Variants in EDIL3 observed in about 807,000 individuals in gnomAD.
EDIL3 encodes EGF-like repeat and discoidin I-like domain-containing protein 3.
EDIL3 carries 37 observed loss-of-function variants against 67.4 expected under a neutral mutation model. That is an observed-to-expected ratio of 0.55 (90% CI 0.42 to 0.72). The LOEUF is 0.72. Ranked by LOEUF, EDIL3 falls within the 30% of genes least tolerant of loss-of-function variation. EDIL3 has a pLI of 0.00. For synonymous variants in EDIL3, 195 were observed against 196.3 expected, an observed-to-expected ratio of 0.99 and a Z score of 0.05; for missense variants, 527 against 586.3, an observed-to-expected ratio of 0.90 and a Z score of 1.04.
At chr5:84,141,029 G>A (rs1041978478) in intron 4 of EDIL3, among the ~76,000 whole-genome samples, 1 of 151,948 alleles carries the variant, frequency 6.6e-6, no homozygotes, top group African/African-American at 2.4e-5. Flanking sequence ...AGAATATAGT[G>A]CAATGAAATG....
chr5:84,213,103 G>A (rs939136905), intron 3 of EDIL3, among the ~76,000 whole-genome samples: 3 of 151,226 alleles, frequency 2.0e-5, no homozygotes, highest in East Asian at 1.9e-4. Flanking sequence ...TTAAAAGTAC[G>A]ACAACTTGCT....
chr5:84,051,511 G>A (rs7443166), intron 9 of EDIL3, among the ~76,000 whole-genome samples: 17,972 of 152,174 alleles, frequency 0.12, 1,663 homozygotes, highest in African/African-American at 0.25. Context: ...AAACTTCTCC[G>A]AACTAAAGGA....
intron 9 of EDIL3, among the ~76,000 whole-genome samples, chr5:84,029,890 G>A (rs1745887246): frequency 6.6e-6 from 1 of 152,132 alleles, no homozygotes; most frequent in Non-Finnish European, 1.5e-5. Context: ...GTTTGCTAAT[G>A]ATACCATATT....
chr5:84,188,512 A>G (rs1743514141), intron 3 of EDIL3, among the ~76,000 whole-genome samples: 1 of 151,882 alleles, frequency 6.6e-6, no homozygotes, highest in Non-Finnish European at 1.5e-5. Flanking sequence ...TCATCTTTAG[A>G]TCCTTAACAA....
intron 9 of EDIL3, chr5:84,048,194 C>A (rs1746259104): frequency 7.3e-6 from 3 of 408,564 alleles, no homozygotes; most frequent in South Asian, 1.8e-5. Context: ...ATTTGGAAAT[C>A]AGAATAATCC....
chr5:84,236,697 T>C (rs900727951), intron 2 of EDIL3, among the ~76,000 whole-genome samples: 2 of 152,104 alleles, frequency 1.3e-5, no homozygotes, highest in African/African-American at 4.8e-5. Context: ...GTGTATATAA[T>C]TGGTTCTGAG....
intron 5 of EDIL3, among the ~76,000 whole-genome samples, chr5:84,114,148 G>GT (rs918208407): frequency 0.045 from 4,970 of 109,798 alleles, 207 homozygotes; most frequent in African/African-American, 0.08. Context: ...GAACCCTAAA[G>GT]TTTTTTTTTT....
rs1332656634 is a variant in EDIL3 at position 83,943,293 on chromosome 5, TA to T, written c.*125del. Reference sequence around the variant, plus strand: ...TAAAAACACCGTTAGTTGCCTACCATAATTTGAGCACTTTTTCATGAAAAAA... The same window carrying T: ...TAAAAACACCGTTAGTTGCCTACCATATTTGAGCACTTTTTCATGAAAAAA... On this transcript the variant is annotated 3_prime_UTR_variant, in exon 11 of 11. Coordinates refer to ENST00000296591, the MANE Select transcript of EDIL3 (RefSeq NM_005711.5). The T allele has an allele frequency of 1.4e-5, 19 of 1,346,456 alleles. No individual in the cohort carries two copies. Among genetic ancestry groups the T allele is most frequent in the Non-Finnish European group, 1.9e-5 (19 of 986,982 alleles). The allele number at this position is 1,346,456 out of a possible 1,614,324, so 83.4% of individuals were successfully genotyped here. A position where few individuals can be genotyped will look rare whatever the true frequency, so the allele number is the denominator to read the frequency against.
intron 4 of EDIL3, among the ~76,000 whole-genome samples, chr5:84,176,206 T>TATATATATA (rs1343773359): frequency 1.3e-4 from 4 of 31,550 alleles, no homozygotes; most frequent in African/African-American, 1.9e-4. Flanking sequence ...ATAATATATA[T>TATATATATA]ATATATATAT....
chr5:84,326,448 T>C (rs1255907228), intron 1 of EDIL3, among the ~76,000 whole-genome samples: 1 of 151,904 alleles, frequency 6.6e-6, no homozygotes, highest in African/African-American at 2.4e-5. Context: ...AATAATTCTA[T>C]AGATGGATTG....
intron 9 of EDIL3, among the ~76,000 whole-genome samples, chr5:84,023,838 C>A (rs1745765625): frequency 1.3e-5 from 2 of 152,152 alleles, no homozygotes; most frequent in East Asian, 1.9e-4. Flanking sequence ...AATGAAAAAA[C>A]CCATAAAATT....
intron 1 of EDIL3, among the ~76,000 whole-genome samples, chr5:84,346,047 G>A (rs1012778762): frequency 6.8e-6 from 1 of 147,924 alleles, no homozygotes; most frequent in Non-Finnish European, 1.5e-5. Context: ...TATAAATTTC[G>A]TTTATTCTTT....
In EDIL3 at chr5:83,955,950, T is replaced by A. The variant is rs1213639933; in HGVS notation, c.1293+7255A>T. On this transcript the variant is annotated intron_variant, in intron 10 of 10. Coordinates refer to ENST00000296591, the MANE Select transcript of EDIL3 (RefSeq NM_005711.5). Reference sequence around the variant, plus strand: ...AAGGATTTTCTTAGAAACCTCAAAATTAATCCTTAAAGAAGGACAACTGGC... The same window carrying A: ...AAGGATTTTCTTAGAAACCTCAAAAATAATCCTTAAAGAAGGACAACTGGC... Among the ~76,000 whole-genome samples the A allele has an allele frequency of 2.6e-5, 4 of 151,910 alleles. No individual in the cohort carries two copies. The East Asian group carries it at 7.8e-4, about 30-fold the overall frequency.
chr5:84,054,692 G>C (rs992895632), intron 9 of EDIL3, among the ~76,000 whole-genome samples: 5 of 152,156 alleles, frequency 3.3e-5, no homozygotes, highest in East Asian at 1.9e-4. Flanking sequence ...CAAATGATGA[G>C]TGAACTCCCA....
intron 1 of EDIL3, among the ~76,000 whole-genome samples, chr5:84,304,426 G>A (rs191931138): frequency 4.9e-4 from 75 of 152,286 alleles, no homozygotes; most frequent in Admixed American, 8.5e-4. Flanking sequence ...TCATTTAGCT[G>A]ACATGCACGA....
chr5:84,115,223 G>A (rs1199325521), intron 5 of EDIL3, among the ~76,000 whole-genome samples: 1 of 152,080 alleles, frequency 6.6e-6, no homozygotes, highest in Non-Finnish European at 1.5e-5. Flanking sequence ...GGAGGTAGGG[G>A]AAATACTATA....
At chr5:84,200,054 G>A (rs182039456) in intron 3 of EDIL3, among the ~76,000 whole-genome samples, 134 of 152,142 alleles carry the variant, frequency 8.8e-4, no homozygotes, top group Non-Finnish European at 1.5e-3. Context: ...AGGAAACCCA[G>A]GTGATTGCAA....
chr5:84,242,831 T>C (rs1744826524), intron 2 of EDIL3, among the ~76,000 whole-genome samples: 1 of 149,530 alleles, frequency 6.7e-6, no homozygotes, highest in African/African-American at 2.5e-5. Context: ...GAAATATTAT[T>C]ATTATTATTT....
chr5:83,971,203 CTT>C (rs1467205445), intron 9 of EDIL3, among the ~76,000 whole-genome samples: 2 of 151,238 alleles, frequency 1.3e-5, no homozygotes, highest in Non-Finnish European at 2.9e-5. Flanking sequence ...TAGCACCTCT[CTT>C]ATTTTCTCAG....
Sources: allele counts gnomAD v4.1 joint callset (sites outside exome capture counted in the v4.1 genomes callset), GRCh38; gene constraint gnomAD v4.1.1; transcripts MANE v1.5; gene names NCBI Gene and HGNC (gene_info 2026-07-23, HGNC 2026-07-21).